Variants in NIM1K observed in about 807,000 individuals in gnomAD.
The protein encoded by NIM1K is NIM1 serine/threonine protein kinase, also known as serine/threonine-protein kinase NIM1.
Under a neutral mutation model 37.1 loss-of-function variants are expected in NIM1K, and 35 were observed. That is an observed-to-expected ratio of 0.94 (90% CI 0.72 to 1.25). NIM1K has a LOEUF of 1.25. Among genes scored for constraint, NIM1K ranks in the 50% most tolerant of loss-of-function variants. The probability of loss-of-function intolerance (pLI) is 0.00; values close to 1 mark genes in which losing one functional copy is unlikely to be tolerated. For missense variants in NIM1K, 564 were observed against 548.0 expected, an observed-to-expected ratio of 1.03 and a Z score of -0.29; for synonymous variants, 234 against 206.6, an observed-to-expected ratio of 1.13 and a Z score of -1.14.
At chr5:43,231,194 G>C (rs1752533275) in intron 1 of NIM1K, among the ~76,000 whole-genome samples, 1 of 152,170 alleles carries the variant, frequency 6.6e-6, no homozygotes, top group Non-Finnish European at 1.5e-5. Flanking sequence ...GCACAAGCTT[G>C]TTGTCGCAGC....
chr5:43,253,598 T>A (rs1752900367), intron 2 of NIM1K, among the ~76,000 whole-genome samples: 1 of 151,842 alleles, frequency 6.6e-6, no homozygotes, highest in African/African-American at 2.4e-5. Flanking sequence ...GGATGGGGCT[T>A]GATCATGGAA....
intron 2 of NIM1K, among the ~76,000 whole-genome samples, chr5:43,258,873 C>T (rs1157707208): frequency 2.6e-5 from 4 of 152,100 alleles, no homozygotes; most frequent in Non-Finnish European, 1.5e-5. Flanking sequence ...CACCTATCAC[C>T]TGAGTAGTGT....
At chr5:43,221,303 G>C (rs1752377669) in intron 1 of NIM1K, among the ~76,000 whole-genome samples, 1 of 151,326 alleles carries the variant, frequency 6.6e-6, no homozygotes. Context: ...AATGAAACCT[G>C]AGCTGGGTGT....
intron 1 of NIM1K, among the ~76,000 whole-genome samples, chr5:43,228,249 C>T (rs1359471451): frequency 6.6e-6 from 1 of 151,970 alleles, no homozygotes; most frequent in African/African-American, 2.4e-5. Flanking sequence ...TGGGTTCACG[C>T]CATTCTTCTG....
chr5:43,219,943 T>G (rs1206232300), intron 1 of NIM1K, among the ~76,000 whole-genome samples: 1 of 152,188 alleles, frequency 6.6e-6, no homozygotes, highest in African/African-American at 2.4e-5. Flanking sequence ...GCCAGGCTGG[T>G]CTTGAACTCC....
At chr5:43,232,785 G>C (rs1488095421) in intron 1 of NIM1K, 1 of 1,082,260 alleles carries the variant, frequency 9.2e-7, no homozygotes, top group African/African-American at 1.6e-5. Context: ...GGCGATCCAT[G>C]CACTGTTCAG....
At chr5:43,234,559 T>C (rs1361808093) in intron 1 of NIM1K, among the ~76,000 whole-genome samples, 2 of 151,966 alleles carry the variant, frequency 1.3e-5, no homozygotes, top group African/African-American at 4.8e-5. Context: ...GAAGCTGAGG[T>C]GGGCAGATCA....
intron 2 of NIM1K, among the ~76,000 whole-genome samples, chr5:43,257,918 A>C (rs1268667783): frequency 6.6e-6 from 1 of 152,130 alleles, no homozygotes; most frequent in Admixed American, 6.5e-5. Context: ...AAACCAAAAA[A>C]ACCACACACA....
rs945109178 is a variant in NIM1K, at chr5:43,198,157, T to G, written c.-695+5746T>G. Reference sequence around the variant, plus strand: ...TTTCTTTCTTTCTTTCTTTCTTTCTTTCTTTCTTTCTTTCTTTCTTTCTTT... The same window carrying G: ...TTTCTTTCTTTCTTTCTTTCTTTCTGTCTTTCTTTCTTTCTTTCTTTCTTT... On this transcript the variant is annotated intron_variant, in intron 1 of 3. Transcript: ENST00000326035. Among the ~76,000 whole-genome samples the G allele has an allele frequency of 2.0e-3, 100 of 49,980 alleles. 1 individual carries two copies. The highest frequency in any genetic ancestry group is 6.7e-3 in the African/African-American group (99 of 14,786). 32.8% of individuals were successfully genotyped at this position (49,980 alleles called of 152,430 possible).
At chr5:43,232,752 G>A in intron 1 of NIM1K, 1 of 1,194,016 alleles carries the variant, frequency 8.4e-7, no homozygotes, top group Non-Finnish European at 1.2e-6. Context: ...CTTCACCAAA[G>A]CTGTGGAAAA....
At chr5:43,248,829 A>G (rs150356930) in intron 2 of NIM1K, among the ~76,000 whole-genome samples, 2 of 151,670 alleles carry the variant, frequency 1.3e-5, no homozygotes, top group African/African-American at 4.8e-5. Flanking sequence ...AGTCAGGCAG[A>G]AGCAGTTCCC....
intron 3 of NIM1K, among the ~76,000 whole-genome samples, chr5:43,279,744 T>C (rs762678093): frequency 6.6e-6 from 1 of 152,232 alleles, no homozygotes; most frequent in Admixed American, 6.5e-5. Flanking sequence ...TGAGTCCACA[T>C]GTGTGGAACA....
intron 1 of NIM1K, among the ~76,000 whole-genome samples, chr5:43,229,795 C>A (rs968346067): frequency 6.6e-6 from 1 of 151,774 alleles, no homozygotes; most frequent in African/African-American, 2.4e-5. Context: ...TGCCACCATG[C>A]CCAACTAATT....
At chr5:43,262,316 G>T (rs1363267141) in intron 2 of NIM1K, among the ~76,000 whole-genome samples, 1 of 152,074 alleles carries the variant, frequency 6.6e-6, no homozygotes, top group Admixed American at 6.5e-5. Flanking sequence ...CCTTGAAGAG[G>T]TCCTTCACAT....
Position 43,255,754 on chromosome 5 carries a change from A to AAAAAG in NIM1K, c.292+9690_292+9691insAGAAA, listed in dbSNP as rs112325348. Among the ~76,000 whole-genome samples the AAAAAG allele has an allele frequency of 5.7e-4, 75 of 131,894 alleles. 2 individuals are homozygous for AAAAAG. The East Asian group carries it at 0.015, about 26-fold the overall frequency. The allele number at this position is 131,894 out of a possible 152,430, so 86.5% of individuals were successfully genotyped here. A position where few individuals can be genotyped will look rare whatever the true frequency, so the allele number is the denominator to read the frequency against. Reference sequence around the variant, plus strand: ...CAGAGCCAGACTCTGTCTCAAAAAAAAAAGAAAGAAAGAAAGAAAGAAAGA... The same window carrying AAAAAG: ...CAGAGCCAGACTCTGTCTCAAAAAAAAAAAGAAAGAAAGAAAGAAAGAAAGAAAGA... On this transcript the variant is annotated intron_variant, in intron 2 of 3. Coordinates refer to ENST00000326035, the MANE Select transcript of NIM1K (RefSeq NM_153361.4).
Position 43,246,075 on chromosome 5 carries a change from C to T in NIM1K, c.292+8C>T, listed in dbSNP as rs781413175. 2 of 1,601,664 alleles carry T rather than the reference C, an allele frequency of 1.2e-6. No homozygotes were observed. Among genetic ancestry groups the T allele is most frequent in the East Asian group, 2.2e-5 (1 of 44,826 alleles). On this transcript the variant is annotated splice_region_variant and intron_variant, in intron 2 of 3. Coordinates refer to ENST00000326035, the MANE Select transcript of NIM1K (RefSeq NM_153361.4). ...TTCACTCCCTAACCAAAGGTAGGAT[C>T]CGACTTCCCAAGGGTCATCCCTGGC...
chr5:43,198,165 TTC>T (rs1457627961), intron 1 of NIM1K, among the ~76,000 whole-genome samples: 1 of 52,486 alleles, frequency 1.9e-5, no homozygotes, highest in Non-Finnish European at 4.0e-5. Context: ...CTTTCTTTCT[TTC>T]TTTCTTTCTT....
In NIM1K at chr5:43,226,968, G is replaced by A. The variant is rs114848210; in HGVS notation, c.-694-18114G>A. 5.5e-3 allele frequency among the ~76,000 whole-genome samples: 832 copies of A among 152,270 alleles called. 2 individuals carry two copies. Among genetic ancestry groups the A allele is most frequent in the African/African-American group, 0.013 (554 of 41,544 alleles). ...CGTCCTCACAGTATGGGGATGACTT[G>A]GACAGAGTGGAAAAGGGTCAAGATT... On this transcript the variant is annotated intron_variant, in intron 1 of 3. Coordinates refer to ENST00000326035, the MANE Select transcript of NIM1K (RefSeq NM_153361.4).
chr5:43,211,886 C>T (rs1379108677), intron 1 of NIM1K, among the ~76,000 whole-genome samples: 1 of 151,592 alleles, frequency 6.6e-6, no homozygotes, highest in Non-Finnish European at 1.5e-5. Flanking sequence ...GGGAAGCCTG[C>T]TAGAAGGTTC....
Sources: gnomAD v4.1 joint callset for allele counts (sites outside exome capture counted in the v4.1 genomes callset) on GRCh38, gnomAD v4.1.1 for gene constraint, MANE v1.5 for transcripts, NCBI Gene and HGNC (gene_info 2026-07-23, HGNC 2026-07-21) for gene names.